The following PSMA1 variants were observed in gnomAD, a reference collection of about 807,000 sequenced individuals.
PSMA1 encodes the protein proteasome subunit alpha type-1.
Under a neutral mutation model 38.4 loss-of-function variants are expected in PSMA1, and 3 were observed. That is an observed-to-expected ratio of 0.08 (90% confidence interval 0.04 to 0.20). PSMA1 has a LOEUF of 0.20. Ranked by LOEUF, PSMA1 falls within the 10% of genes least tolerant of loss-of-function variation. PSMA1 has a pLI of 1.00. For synonymous variants in PSMA1, 101 were observed against 107.1 expected, an observed-to-expected ratio of 0.94 and a Z score of 0.35; for missense variants, 227 against 325.3, an observed-to-expected ratio of 0.70 and a Z score of 2.32.
chr11:14,577,541 A>G (rs1852232942), intron 2 of PSMA1, among the ~76,000 whole-genome samples: 1 of 152,076 alleles, frequency 6.6e-6, no homozygotes, highest in Admixed American at 6.5e-5. Flanking sequence ...CCTCTGACCA[A>G]CTTCCTGTCT....
intron 1 of PSMA1, among the ~76,000 whole-genome samples, chr11:14,641,558 T>TC (rs1853202246): frequency 6.6e-6 from 1 of 152,226 alleles, no homozygotes; most frequent in Non-Finnish European, 1.5e-5. Context: ...AGGTTGGCCT[T>TC]CAGAGGGATG....
chr11:14,511,350 C>T (rs181025537), intron 7 of PSMA1, among the ~76,000 whole-genome samples: 2 of 152,116 alleles, frequency 1.3e-5, no homozygotes, highest in Non-Finnish European at 2.9e-5. Context: ...AAAAACATCA[C>T]AAGAAAATAA....
In PSMA1 at chr11:14,592,286, G is replaced by A. The variant is rs1320585286; in HGVS notation, c.21+18680C>T. On this transcript the variant is annotated intron_variant, in intron 2 of 10. Transcript: ENST00000418988. Reference sequence around the variant, plus strand: ...TCCGGACACACCAGGACCTTCCGCTGCTCGCTCCTCCTCGTCCCTTCTACC... The same window carrying A: ...TCCGGACACACCAGGACCTTCCGCTACTCGCTCCTCCTCGTCCCTTCTACC... Among the ~76,000 whole-genome samples the A allele has an allele frequency of 2.6e-5, 4 of 152,086 alleles. No homozygotes were observed. In the East Asian group the frequency reaches 7.7e-4, roughly 29 times the overall value.
In PSMA1 at chr11:14,579,509, T is replaced by TTTTTTC. The variant is rs746024063; in HGVS notation, c.21+31456_21+31457insGAAAAA. 1.6e-5 allele frequency among the ~76,000 whole-genome samples: 2 copies of TTTTTTC among 125,430 alleles called. 1 individual carries two copies. The highest frequency in any genetic ancestry group is 6.3e-5 in the African/African-American group (2 of 31,842). The allele number at this position is 125,430 out of a possible 152,430, so 82.3% of individuals were successfully genotyped here. ...GACTTTTTTTTTTTTTTTTTTTTTT[T>TTTTTTC]AAATAAGGTAACATTAACAGGGGCC... On this transcript the variant is annotated intron_variant, in intron 2 of 10. Coordinates refer to the PSMA1 transcript ENST00000418988.
chr11:14,605,935 G>A (rs1048657742), intron 2 of PSMA1, among the ~76,000 whole-genome samples: 7 of 152,092 alleles, frequency 4.6e-5, no homozygotes, highest in African/African-American at 7.2e-5. Flanking sequence ...TTTTTAGAAC[G>A]TCATAAATTC....
chr11:14,540,062 G>A (rs564114594), intron 2 of PSMA1, among the ~76,000 whole-genome samples: 1 of 152,220 alleles, frequency 6.6e-6, no homozygotes, highest in African/African-American at 2.4e-5. Flanking sequence ...ACATAAAAGG[G>A]GCACTCTGGC....
At chr11:14,571,384 AT>A in intron 2 of PSMA1, among the ~76,000 whole-genome samples, 1 of 152,150 alleles carries the variant, frequency 6.6e-6, no homozygotes, top group African/African-American at 2.4e-5. Context: ...AAACAAAAGA[AT>A]TTTCAACCCA....
At chr11:14,511,589 G>A (rs1851344020) in intron 7 of PSMA1, among the ~76,000 whole-genome samples, 1 of 152,138 alleles carries the variant, frequency 6.6e-6, no homozygotes, top group Admixed American at 6.6e-5. Flanking sequence ...TAAAAAGCAC[G>A]TGATAAAACC....
chr11:14,602,412 T>C lies in PSMA1; in HGVS notation c.21+8554A>G, dbSNP rs377685533. On this transcript the variant is annotated intron_variant, in intron 2 of 10. Transcript: ENST00000418988. ...TATCTTCCTTGACCTGGTACATTCA[T>C]TGGGTGGAGAGCTCTGGGCCAGGCT... 2.3e-3 allele frequency among the ~76,000 whole-genome samples: 346 copies of C among 152,238 alleles called. 4 individuals are homozygous for C. Among genetic ancestry groups the C allele is most frequent in the African/African-American group, 8.0e-3 (333 of 41,544 alleles).
chr11:14,567,627 A>G (rs1375463961), intron 2 of PSMA1, among the ~76,000 whole-genome samples: 1 of 152,214 alleles, frequency 6.6e-6, no homozygotes, highest in Non-Finnish European at 1.5e-5. Context: ...GGTCATTTAC[A>G]GATATGCGCA....
At chr11:14,588,850 T>C (rs2033592200) in intron 2 of PSMA1, among the ~76,000 whole-genome samples, 1 of 152,246 alleles carries the variant, frequency 6.6e-6, no homozygotes, top group South Asian at 2.1e-4. Flanking sequence ...GCCATTTTTC[T>C]GTTGCTTGAA....
At chr11:14,568,796 T>C (rs921805511) in intron 2 of PSMA1, among the ~76,000 whole-genome samples, 3 of 152,246 alleles carry the variant, frequency 2.0e-5, no homozygotes, top group African/African-American at 7.2e-5. Context: ...GGAAAGGCTT[T>C]CTGGAGTCCT....
intron 1 of PSMA1, among the ~76,000 whole-genome samples, chr11:14,625,338 C>A (rs1852897831): frequency 1.3e-5 from 2 of 152,256 alleles, no homozygotes; most frequent in South Asian, 4.1e-4. Flanking sequence ...ATCCTAGCTA[C>A]TTGGGAGGCT....
At chr11:14,634,665 C>T (rs948914407) in intron 1 of PSMA1, among the ~76,000 whole-genome samples, 4 of 152,024 alleles carry the variant, frequency 2.6e-5, no homozygotes, top group African/African-American at 9.7e-5. Flanking sequence ...TTTCTATGCC[C>T]ATGATACAAG....
intron 1 of PSMA1, chr11:14,611,193 T>G: frequency 1.9e-6 from 1 of 522,952 alleles, no homozygotes; most frequent in East Asian, 3.1e-5. Flanking sequence ...TGAGTTATAT[T>G]AGATCTTCAT....
At chr11:14,513,940 T>G in intron 5 of PSMA1, 53 bp from the exon 6 acceptor site, 1 of 1,517,190 alleles carries the variant, frequency 6.6e-7, no homozygotes, top group Admixed American at 2.5e-5. Flanking sequence ...CTGTCTTTAT[T>G]TTCAAATTAT....
intron 1 of PSMA1, among the ~76,000 whole-genome samples, chr11:14,623,981 C>A (rs185035760): frequency 6.6e-6 from 1 of 152,296 alleles, no homozygotes; most frequent in Non-Finnish European, 1.5e-5. Flanking sequence ...TTAGCCAGCA[C>A]CATAATCCAG....
chr11:14,635,998 T>C (rs1853109004), intron 1 of PSMA1, among the ~76,000 whole-genome samples: 1 of 152,166 alleles, frequency 6.6e-6, no homozygotes, highest in South Asian at 2.1e-4. Flanking sequence ...TATTTTAAAC[T>C]TATTTTTTTT....
chr11:14,536,469 G>A (rs982130593), intron 2 of PSMA1, among the ~76,000 whole-genome samples: 1 of 151,938 alleles, frequency 6.6e-6, no homozygotes, highest in South Asian at 2.1e-4. Flanking sequence ...GGAGGTTGCA[G>A]TGAGCAGAGA....
Sources: allele counts gnomAD v4.1 joint callset (sites outside exome capture counted in the v4.1 genomes callset), GRCh38; gene constraint gnomAD v4.1.1; transcripts MANE v1.5; gene names NCBI Gene and HGNC (gene_info 2026-07-23, HGNC 2026-07-21).